The following CFAP53 variants were observed in gnomAD, a reference collection of about 807,000 sequenced individuals.
CFAP53 encodes cilia- and flagella-associated protein 53.
A neutral mutation model predicts 59.7 loss-of-function variants in CFAP53; 62 were observed. The observed-to-expected ratio is 1.04, with a 90% CI of 0.85 to 1.28. The LOEUF is 1.28. Among genes scored for constraint, CFAP53 ranks in the 50% most tolerant of loss-of-function variants. The pLI is 0.00. For synonymous variants in CFAP53, 218 were observed against 205.7 expected (o/e 1.06, Z -0.51); for missense variants, 629 against 615.6 (o/e 1.02, Z -0.23).
At position 50,250,807 on chromosome 18, in the gene CFAP53, C is replaced by T; in HGVS notation, c.947G>A (p.Arg316Lys). ...CTCTTCCTGTAAGTCTTGAAGGGCCCTTTGCACGAGCTTCATGTTCAAGTC... is the reference window on the plus strand; with the variant it reads ...CTCTTCCTGTAAGTCTTGAAGGGCCTTTTGCACGAGCTTCATGTTCAAGTC... ...EQDLNMKLVQ[R>K]ALQDLQEEAD... The change falls in exon 5 of 8, where the codon AGG (arginine) becomes AAG (lysine). Residue 316 changes from arginine to lysine, a missense_variant. By Grantham distance (26) the Arg-to-Lys change is conservative. Coordinates refer to ENST00000398545, the MANE Select transcript of CFAP53 (RefSeq NM_145020.5). 6.2e-7 allele frequency: 1 copy of T among 1,614,180 alleles called. No individual in the cohort carries two copies. Among genetic ancestry groups the T allele is most frequent in the Non-Finnish European group, 8.5e-7 (1 of 1,180,026 alleles).
chr18:50,229,494 C>A (rs2033558743), intron 7 of CFAP53, among the ~76,000 whole-genome samples: 2 of 152,102 alleles, frequency 1.3e-5, no homozygotes, highest in South Asian at 4.1e-4. Context: ...CATTAATAGA[C>A]CCTTGGGTTG....
At chr18:50,254,785 G>A (rs1454902278) in intron 3 of CFAP53, among the ~76,000 whole-genome samples, 2 of 152,136 alleles carry the variant, frequency 1.3e-5, no homozygotes, top group Admixed American at 1.3e-4. Context: ...AAGCTACTCG[G>A]GAGACTGAGG....
chr18:50,231,884 G>A (rs1206789057), intron 7 of CFAP53, among the ~76,000 whole-genome samples: 1 of 152,146 alleles, frequency 6.6e-6, no homozygotes, highest in African/African-American at 2.4e-5. Context: ...GCTAAATCAG[G>A]TGATCTCAGA....
Position 50,227,345 on chromosome 18 carries a change from A to G in CFAP53, c.*36T>C, listed in dbSNP as rs1370820996. 2 of 1,546,728 alleles carry G rather than the reference A, an allele frequency of 1.3e-6. No individual in the cohort carries two copies. Among genetic ancestry groups the G allele is most frequent in the East Asian group, 2.3e-5 (1 of 44,002 alleles). Reference sequence around the variant, plus strand: ...CAAGCATACTGTAGTTAAAAATATTAAAAGACCAAGAAAAGATATATTGAT... The same window carrying G: ...CAAGCATACTGTAGTTAAAAATATTGAAAGACCAAGAAAAGATATATTGAT... On this transcript the variant is annotated 3_prime_UTR_variant, in exon 8 of 8. Coordinates refer to ENST00000398545, the MANE Select transcript of CFAP53 (RefSeq NM_145020.5).
At chr18:50,264,959 T>C (rs1244698570) in intron 1 of CFAP53, among the ~76,000 whole-genome samples, 1 of 152,228 alleles carries the variant, frequency 6.6e-6, no homozygotes, top group Non-Finnish European at 1.5e-5. Flanking sequence ...CTCCAGATCT[T>C]ACAGTACTTG....
chr18:50,259,477 G>A (rs1254455290), intron 3 of CFAP53, among the ~76,000 whole-genome samples: 1 of 151,078 alleles, frequency 6.6e-6, no homozygotes, highest in African/African-American at 2.4e-5. Flanking sequence ...TGGGGGTGGA[G>A]GTGGGGACAG....
At chr18:50,235,239 G>C (rs895507254) in intron 7 of CFAP53, among the ~76,000 whole-genome samples, 1 of 152,162 alleles carries the variant, frequency 6.6e-6, no homozygotes, top group African/African-American at 2.4e-5. Context: ...GCTGGGTTTG[G>C]CTATGGGTTG....
In CFAP53 at chr18:50,251,616, C is replaced by T; in HGVS notation, c.642G>A (p.Lys214=). ...GTCTCCTCGCCTCTTGGGCTTCTCG[C>T]TTTTCCTTGGCTAATCGGTCTTCCT... ...LWEEDRLAKE[K]REAQEARRQK... is the part of the protein sequence containing the mutation. The change falls in exon 4 of 8, where the codon AAG becomes AAA. Residue 214 remains lysine (K), a synonymous_variant. Transcript: ENST00000398545. 6.2e-7 allele frequency: 1 copy of T among 1,614,230 alleles called. No homozygotes were observed. Among genetic ancestry groups the T allele is most frequent in the Non-Finnish European group, 8.5e-7 (1 of 1,180,048 alleles).
chr18:50,257,772 A>G (rs4123384), intron 3 of CFAP53, among the ~76,000 whole-genome samples: 135,462 of 152,320 alleles, frequency 0.89, 60,493 homozygotes, highest in East Asian at 0.97. Context: ...GCTCATGCCT[A>G]TAATCCCAGA....
intron 5 of CFAP53, among the ~76,000 whole-genome samples, chr18:50,245,407 A>C (rs1009287743): frequency 4.6e-5 from 7 of 151,800 alleles, no homozygotes; most frequent in South Asian, 2.1e-4. Flanking sequence ...AAAAAAAAAA[A>C]AACTAATAAA....
chr18:50,250,132 T>C (rs961766962), intron 5 of CFAP53, among the ~76,000 whole-genome samples: 4 of 151,050 alleles, frequency 2.6e-5, no homozygotes, highest in African/African-American at 7.3e-5. Context: ...GGTGGGAGGA[T>C]TGCTTGAGCC....
intron 7 of CFAP53, among the ~76,000 whole-genome samples, chr18:50,235,650 A>G (rs1219934920): frequency 6.6e-6 from 1 of 152,194 alleles, no homozygotes; most frequent in Non-Finnish European, 1.5e-5. Context: ...TGATTTCTAG[A>G]ATACAACAAT....
rs534961068 is a variant in CFAP53 at position 50,253,463 on chromosome 18, T to A, written c.474-1679A>T. 2.0e-5 allele frequency among the ~76,000 whole-genome samples: 3 copies of A among 152,316 alleles called. No individual in the cohort carries two copies. In the East Asian group the frequency reaches 5.8e-4, roughly 29 times the overall value. On this transcript the variant is annotated intron_variant, in intron 3 of 7. Transcript: ENST00000398545. ...GCAGGTATCATCCCCATCTTAGAGTTAAAGCAACAGAGACTCAGGGAGCCT... is the reference window on the plus strand; with the variant it reads ...GCAGGTATCATCCCCATCTTAGAGTAAAAGCAACAGAGACTCAGGGAGCCT...
At chr18:50,254,991 C>T (rs758859594) in intron 3 of CFAP53, among the ~76,000 whole-genome samples, 14 of 152,188 alleles carry the variant, frequency 9.2e-5, no homozygotes, top group African/African-American at 3.1e-4. Context: ...TGTACACAAA[C>T]GTTCCTGTCA....
intron 3 of CFAP53, among the ~76,000 whole-genome samples, chr18:50,254,895 C>A: frequency 6.6e-6 from 1 of 152,060 alleles, no homozygotes. Context: ...CTGTCTCAAA[C>A]AAAACAAAAC....
chr18:50,236,786 C>T (rs553309689), intron 7 of CFAP53, among the ~76,000 whole-genome samples: 14 of 152,244 alleles, frequency 9.2e-5, no homozygotes, highest in African/African-American at 1.4e-4. Context: ...TGAGATGTTC[C>T]GAGCAAGAAC....
chr18:50,249,593 A>G (rs1356591852), intron 5 of CFAP53, among the ~76,000 whole-genome samples: 3 of 152,174 alleles, frequency 2.0e-5, no homozygotes, highest in Non-Finnish European at 4.4e-5. Flanking sequence ...AAATCTCCTG[A>G]GGGTTATGCT....
chr18:50,265,044 C>CA (rs2033927905), intron 1 of CFAP53, among the ~76,000 whole-genome samples: 2 of 152,236 alleles, frequency 1.3e-5, no homozygotes, highest in South Asian at 4.1e-4. Flanking sequence ...AAAACTGTAT[C>CA]ACTGATCTTT....
chr18:50,254,575 G>T (rs2033830374), intron 3 of CFAP53, among the ~76,000 whole-genome samples: 1 of 152,244 alleles, frequency 6.6e-6, no homozygotes, highest in South Asian at 2.1e-4. Flanking sequence ...AAATAGTTTA[G>T]TGTTTATTAA....
Sources: allele counts gnomAD v4.1 joint callset (sites outside exome capture counted in the v4.1 genomes callset), GRCh38; gene constraint gnomAD v4.1.1; transcripts MANE v1.5; gene names NCBI Gene and HGNC (gene_info 2026-07-23, HGNC 2026-07-21).